ABCA1: variants seen among roughly 807,000 people sequenced by gnomAD.
ABCA1 encodes ATP binding cassette subfamily A member 1.
In ABCA1, 133 loss-of-function variants were observed where a neutral mutation model predicts 262.5. That is an observed-to-expected ratio of 0.51 (90% CI 0.44 to 0.59). ABCA1 has a LOEUF of 0.59. Among genes scored for constraint, ABCA1 ranks in the 20% least tolerant of loss-of-function variants. ABCA1 has a pLI of 0.00. For synonymous variants in ABCA1, 1,022 were observed against 1,043.5 expected (o/e 0.98, Z 0.40); for missense variants, 2,452 against 2,777.5 (o/e 0.88, Z 2.63).
Position 104,829,005 on chromosome 9 carries a change from G to C in ABCA1, c.2026C>G (p.Leu676Val). Residue 676 changes from leucine (L) to valine (V), a missense_variant, in exon 15 of 50, where the codon CTG becomes GTG. Transcript: ENST00000374736. ...RLKETMRIMG[L>V]DNSILWFSWF... ...CTAAACCAGAGGATGCTGTTGTCCA[G>C]GCCCATGATCCGCATGGTCTCTTTC... is the stretch of plus-strand genomic sequence containing the variant. The C allele has an allele frequency of 1.2e-6, 2 of 1,614,176 alleles. No individual in the cohort carries two copies. The highest frequency in any genetic ancestry group is 1.7e-6 in the Non-Finnish European group (2 of 1,180,040).
At chr9:104,793,392 C>G in intron 40 of ABCA1, 92 bp from the exon 41 acceptor site, 1 of 1,540,578 alleles carries the variant, frequency 6.5e-7, no homozygotes. Flanking sequence ...TTAAAATTCA[C>G]CGATCTTCCA....
At chr9:104,811,076 A>C in intron 28 of ABCA1, 152 bp from the exon 29 acceptor site, 1 of 1,196,444 alleles carries the variant, frequency 8.4e-7, no homozygotes, top group East Asian at 2.5e-5. Context: ...GTGCTGCACC[A>C]AGGCATTCTT....
chr9:104,849,598 C>G (rs1835200670), intron 7 of ABCA1, among the ~76,000 whole-genome samples: 2 of 152,192 alleles, frequency 1.3e-5, no homozygotes, highest in African/African-American at 4.8e-5. Flanking sequence ...TGGAGTTACA[C>G]AATCAGGCAT....
Position 104,814,172 on chromosome 9 carries a change from G to A in ABCA1, c.3847C>T (p.Arg1283Cys), listed in dbSNP as rs367658137. The change falls in exon 27 of 50, where the codon CGC (arginine) becomes TGC (cysteine). Residue 1283 changes from arginine (R) to cysteine (C), a missense_variant. This residue lies in a region of ABCA1 where 665 missense variants were observed against 727.3 expected (regional missense o/e 0.91). Transcript: ENST00000374736. ...GCAGCATCATCTTCAGTGAACGGGCGAAGACAGCTCTGCTTGTCCCCGAAG... is the reference window on the plus strand; with the variant it reads ...GCAGCATCATCTTCAGTGAACGGGCAAAGACAGCTCTGCTTGTCCCCGAAG... ...RAFGDKQSCL[R>C]PFTEDDAADP... 28 of 1,614,100 alleles carry A rather than the reference G, an allele frequency of 1.7e-5. No homozygotes were observed. The highest frequency in any genetic ancestry group is 1.0e-4 in the Admixed American group (6 of 60,006).
At chr9:104,899,461 A>C (rs2740488) in intron 2 of ABCA1, among the ~76,000 whole-genome samples, 44,559 of 151,898 alleles carry the variant, frequency 0.29, 6,874 homozygotes, top group African/African-American at 0.38. Flanking sequence ...TGGAAGGCTG[A>C]GGTGGGTGGA....
intron 2 of ABCA1, among the ~76,000 whole-genome samples, chr9:104,893,658 G>A (rs1839966315): frequency 1.3e-5 from 2 of 152,064 alleles, no homozygotes; most frequent in Admixed American, 1.3e-4. Flanking sequence ...AACCCTGTGA[G>A]ATAGGAAACA....
At position 104,837,548 on chromosome 9, in the gene ABCA1, C is replaced by T. The variant is rs374162737; in HGVS notation, c.1074G>A (p.Leu358=). The T allele has an allele frequency of 1.9e-6, 3 of 1,613,984 alleles. No homozygotes were observed. The African/African-American group carries it at 4.0e-5, about 22-fold the overall frequency. ...DNSTTPYCND[L]MKNLESSPLS... ...GAGGACTAGACTCCAAATTCTTCATCAAATCATTGCAGTAAGGAGCTATGA... is the reference window on the plus strand; with the variant it reads ...GAGGACTAGACTCCAAATTCTTCATTAAATCATTGCAGTAAGGAGCTATGA... The change falls in exon 10 of 50, where the codon TTG becomes TTA. Residue 358 remains leucine, a synonymous_variant. Transcript: ENST00000374736.
chr9:104,902,678 G>A (rs960741805), intron 2 of ABCA1, among the ~76,000 whole-genome samples: 2 of 152,094 alleles, frequency 1.3e-5, no homozygotes, highest in Non-Finnish European at 2.9e-5. Flanking sequence ...GTGAACAAAA[G>A]GATGCTTTGA....
chr9:104,836,920 C>T (rs765026953), intron 11 of ABCA1, 60 bp downstream of exon 11: 4 of 1,361,084 alleles, frequency 2.9e-6, no homozygotes, highest in Non-Finnish European at 4.2e-6. Context: ...GGGAAAGTGA[C>T]CAGAAACTCA....
At chr9:104,868,932 CCATT>C (rs1837333611) in intron 5 of ABCA1, among the ~76,000 whole-genome samples, 1 of 151,692 alleles carries the variant, frequency 6.6e-6, no homozygotes, top group African/African-American at 2.4e-5. Flanking sequence ...GCTTTCCAGG[CCATT>C]CAGTGTTCCT....
intron 2 of ABCA1, among the ~76,000 whole-genome samples, chr9:104,894,008 T>C (rs1203152906): frequency 6.6e-6 from 1 of 152,200 alleles, no homozygotes; most frequent in Admixed American, 6.5e-5. Context: ...GGTTGTATCA[T>C]TACCGTTTTA....
At chr9:104,830,611 A>T (rs1451866674) in intron 14 of ABCA1, among the ~76,000 whole-genome samples, 5 of 151,440 alleles carry the variant, frequency 3.3e-5, no homozygotes. Context: ...AATAGCTTGA[A>T]CCCGGGAGGC....
Position 104,810,840 on chromosome 9 carries a change from G to A in ABCA1, c.4135C>T (p.Leu1379Phe), listed in dbSNP as rs1831213945. The A allele has an allele frequency of 1.9e-6, 3 of 1,614,222 alleles. No homozygotes were observed. Among genetic ancestry groups the A allele is most frequent in the Non-Finnish European group, 2.5e-6 (3 of 1,180,046 alleles). The change falls in exon 29 of 50, where the codon CTT becomes TTT. Residue 1379 changes from leucine (L) to phenylalanine (F), a missense_variant. By Grantham distance (22) the Leu-to-Phe change is conservative. Around this residue, in one of 4 missense-constraint regions of ABCA1, gnomAD observed 665 missense variants for 727.3 expected, o/e 0.91. Coordinates refer to ENST00000374736, the MANE Select transcript of ABCA1 (RefSeq NM_005502.4). ...PPFGKYPSLELQPWMYNEQYT... is the reference protein window; with the variant it reads ...PPFGKYPSLEFQPWMYNEQYT... ...TGTTCGTTGTACATCCAGGGCTGAA[G>A]TTCCAGGCTGGGGTACTTGCCAAAG...
chr9:104,827,504 C>G (rs550516461), intron 15 of ABCA1, among the ~76,000 whole-genome samples: 3 of 152,216 alleles, frequency 2.0e-5, no homozygotes, highest in South Asian at 2.1e-4. Flanking sequence ...CTGGTGGCAC[C>G]ACAGAAGAGC....
chr9:104,886,314 A>G (rs3847302), intron 3 of ABCA1, among the ~76,000 whole-genome samples: 17,562 of 152,116 alleles, frequency 0.12, 1,074 homozygotes, highest in Middle Eastern at 0.2. Context: ...TGCACTTTGC[A>G]TTTCAATATA....
intron 24 of ABCA1, 85 bp from the exon 25 acceptor site, chr9:104,816,430 G>A: frequency 7.8e-7 from 1 of 1,283,754 alleles, no homozygotes; most frequent in Non-Finnish European, 1.1e-6. Flanking sequence ...CCTCTCATCA[G>A]AGGCCTGCCG....
At chr9:104,785,370 A>C in intron 49 of ABCA1, 26 bp downstream of exon 49, 1 of 1,613,520 alleles carries the variant, frequency 6.2e-7, no homozygotes, top group Non-Finnish European at 8.5e-7. Context: ...CTGAGAAGTA[A>C]ATCTGTTTTG....
intron 11 of ABCA1, 54 bp from the exon 12 acceptor site, chr9:104,832,825 G>A: frequency 1.3e-6 from 2 of 1,559,496 alleles, no homozygotes; most frequent in Non-Finnish European, 1.8e-6. Context: ...ATCTTGAGGA[G>A]CACTACAAAA....
intron 2 of ABCA1, 136 bp from the exon 3 acceptor site, chr9:104,889,331 A>G: frequency 6.5e-7 from 1 of 1,532,186 alleles, no homozygotes; most frequent in Admixed American, 2.0e-5. Context: ...CCACTCTCTA[A>G]GCTTTAACAG....
Sources: gnomAD v4.1 joint callset for allele counts (sites outside exome capture counted in the v4.1 genomes callset) on GRCh38, gnomAD v4.1.1 for gene constraint, gnomAD v4.1.1 regional missense constraint, MANE v1.5 for transcripts, NCBI Gene and HGNC (gene_info 2026-07-23, HGNC 2026-07-21) for gene names.